The following GHR variants were observed in gnomAD, a reference collection of about 807,000 sequenced individuals.
The protein encoded by GHR is growth hormone receptor.
GHR carries 35 observed loss-of-function variants against 67.1 expected under a neutral mutation model. That is an observed-to-expected ratio of 0.52 (90% CI 0.40 to 0.69). The LOEUF is 0.69. GHR is among the 30% of genes least tolerant of loss of function. The pLI is 0.00. For synonymous variants in GHR, 272 were observed against 269.1 expected (o/e 1.01, Z -0.10); for missense variants, 792 against 764.6 (o/e 1.04, Z -0.42).
chr5:42,430,606 C>CTGTGTG (rs1743049657), intron 1 of GHR, among the ~76,000 whole-genome samples: 1 of 71,272 alleles, frequency 1.4e-5, no homozygotes, highest in African/African-American at 5.6e-5. Flanking sequence ...CATGCTAGTC[C>CTGTGTG]CGTGTGTGTG....
chr5:42,562,871 A>G (rs561139828), intron 1 of GHR, among the ~76,000 whole-genome samples: 248 of 151,986 alleles, frequency 1.6e-3, no homozygotes, highest in African/African-American at 5.8e-3. Flanking sequence ...GGATGGTCTC[A>G]ATCTCCTGAC....
intron 1 of GHR, among the ~76,000 whole-genome samples, chr5:42,475,190 T>TTAAC (rs1211420690): frequency 6.6e-6 from 1 of 152,182 alleles, no homozygotes; most frequent in African/African-American, 2.4e-5. Flanking sequence ...CCCTTGATTT[T>TTAAC]TAACTATCCC....
intron 2 of GHR, among the ~76,000 whole-genome samples, chr5:42,572,945 G>A (rs970242971): frequency 6.6e-6 from 1 of 152,268 alleles, no homozygotes; most frequent in East Asian, 1.9e-4. Flanking sequence ...TGACATCTGT[G>A]TTTCAAGAGT....
intron 1 of GHR, among the ~76,000 whole-genome samples, chr5:42,438,309 TC>T (rs1743421446): frequency 6.6e-6 from 1 of 152,208 alleles, no homozygotes; most frequent in Non-Finnish European, 1.5e-5. Flanking sequence ...CAAACCCAGA[TC>T]TTCCTAATTG....
At chr5:42,547,922 A>G (rs4504390) in intron 1 of GHR, 60,934 of 181,000 alleles carry the variant, frequency 0.34, 11,826 homozygotes, top group African/African-American at 0.56. Context: ...GAGTACCACA[A>G]ATGGTCACTT....
intron 3 of GHR, among the ~76,000 whole-genome samples, chr5:42,687,309 G>GA (rs550589531): frequency 6.6e-6 from 1 of 152,166 alleles, no homozygotes; most frequent in Non-Finnish European, 1.5e-5. Flanking sequence ...CACAGAATTG[G>GA]AAAAAAACTA....
chr5:42,441,668 C>T (rs1284129685), intron 1 of GHR, among the ~76,000 whole-genome samples: 7 of 152,090 alleles, frequency 4.6e-5, no homozygotes, highest in Non-Finnish European at 1.5e-5. Context: ...CTCCACCACG[C>T]CCAGCTAATT....
At chr5:42,468,831 C>T in intron 1 of GHR, 1 of 1,007,924 alleles carries the variant, frequency 9.9e-7, no homozygotes, top group Non-Finnish European at 1.5e-6. Context: ...GGTTGGTGAC[C>T]AGGCAGCTGA....
At chr5:42,589,100 G>A (rs1751644230) in intron 2 of GHR, among the ~76,000 whole-genome samples, 1 of 152,142 alleles carries the variant, frequency 6.6e-6, no homozygotes, top group South Asian at 2.1e-4. Flanking sequence ...GTGACCTGTT[G>A]TTTCCTTTCT....
At chr5:42,632,491 C>T (rs958082699) in intron 3 of GHR, among the ~76,000 whole-genome samples, 1 of 152,218 alleles carries the variant, frequency 6.6e-6, no homozygotes, top group African/African-American at 2.4e-5. Context: ...TCTTTCTTCT[C>T]TTGCTCACCA....
intron 3 of GHR, among the ~76,000 whole-genome samples, chr5:42,656,749 G>A (rs972900483): frequency 6.6e-6 from 1 of 152,130 alleles, no homozygotes; most frequent in African/African-American, 2.4e-5. Context: ...AGAGCTTAAT[G>A]CTCATGGACA....
At chr5:42,588,797 A>G (rs141723906) in intron 2 of GHR, among the ~76,000 whole-genome samples, 2 of 152,252 alleles carry the variant, frequency 1.3e-5, no homozygotes, top group African/African-American at 4.8e-5. Context: ...AACAAAATTC[A>G]TAGCTTTGTC....
chr5:42,575,600 C>T (rs566291875), intron 2 of GHR, among the ~76,000 whole-genome samples: 10 of 151,646 alleles, frequency 6.6e-5, no homozygotes, highest in Non-Finnish European at 1.5e-4. Flanking sequence ...TGCATCCTCA[C>T]GAGGATGCAA....
intron 1 of GHR, among the ~76,000 whole-genome samples, chr5:42,448,975 TC>T (rs1278101909): frequency 6.6e-6 from 1 of 152,214 alleles, no homozygotes; most frequent in African/African-American, 2.4e-5. Flanking sequence ...GGTTCTCTAT[TC>T]TGTTCCATTG....
intron 1 of GHR, among the ~76,000 whole-genome samples, chr5:42,512,882 C>T (rs984548433): frequency 3.3e-5 from 5 of 151,258 alleles, no homozygotes; most frequent in Admixed American, 3.3e-4. Flanking sequence ...AGATCTGATT[C>T]ATGGTGCAAC....
At chr5:42,536,775 C>T (rs976327303) in intron 1 of GHR, among the ~76,000 whole-genome samples, 1 of 152,120 alleles carries the variant, frequency 6.6e-6, no homozygotes, top group African/African-American at 2.4e-5. Flanking sequence ...TCAAATTCTG[C>T]TGTGAATCCA....
At chr5:42,509,258 A>C (rs941294410) in intron 1 of GHR, among the ~76,000 whole-genome samples, 1 of 152,270 alleles carries the variant, frequency 6.6e-6, no homozygotes, top group East Asian at 1.9e-4. Flanking sequence ...TTCACTTTAA[A>C]TGCATGGGCC....
chr5:42,666,571 T>C (rs148554208), intron 3 of GHR, among the ~76,000 whole-genome samples: 1 of 152,184 alleles, frequency 6.6e-6, no homozygotes. Context: ...TTAATTAAAA[T>C]GGAATAAAAT....
chr5:42,604,883 A>G lies in GHR; in HGVS notation c.71-24155A>G, dbSNP rs998349518. Among the ~76,000 whole-genome samples the G allele has an allele frequency of 3.3e-5, 5 of 152,204 alleles. No homozygotes were observed. In the East Asian group the frequency reaches 9.6e-4, roughly 29 times the overall value. ...GTTATTTTTAATTCTCTGTGAAATC[A>G]GTTACCTCCATTTCATTAGGGTCAG... On this transcript the variant is annotated intron_variant, in intron 2 of 9. Coordinates refer to ENST00000230882, the MANE Select transcript of GHR (RefSeq NM_000163.5).
Sources: allele counts gnomAD v4.1 joint callset (sites outside exome capture counted in the v4.1 genomes callset), GRCh38; gene constraint gnomAD v4.1.1; transcripts MANE v1.5; gene names NCBI Gene and HGNC (gene_info 2026-07-23, HGNC 2026-07-21).